RBFOX1: variants seen among roughly 807,000 people sequenced by gnomAD.
The protein encoded by RBFOX1 is RNA binding protein fox-1 homolog 1.
RBFOX1 carries 8 observed loss-of-function variants against 57.7 expected under a neutral mutation model. The ratio of observed to expected loss-of-function variants is 0.14; its 90% CI spans 0.08 to 0.25. The LOEUF (loss-of-function observed/expected upper bound fraction) is 0.25, where lower values mean the gene tolerates loss of function less well. Among genes scored for constraint, RBFOX1 ranks in the 10% least tolerant of loss-of-function variants. The pLI, the probability that RBFOX1 is intolerant of heterozygous loss-of-function variation, is 1.00. For missense variants in RBFOX1, 611 were observed against 548.5 expected (o/e 1.11, Z -1.14); for synonymous variants, 326 against 222.4 (o/e 1.47, Z -4.15).
chr16:5,536,448 C>G (rs2151048128), intron 2 of RBFOX1, among the ~76,000 whole-genome samples: 1 of 152,048 alleles, frequency 6.6e-6, no homozygotes, highest in Non-Finnish European at 1.5e-5. Context: ...ATTGGTCAGC[C>G]TGATCTTGAA....
chr16:5,903,442 G>A (rs1430405579), intron 4 of RBFOX1, among the ~76,000 whole-genome samples: 2 of 152,108 alleles, frequency 1.3e-5, no homozygotes, highest in Non-Finnish European at 2.9e-5. Context: ...GCAAAAGGGG[G>A]CATTTATGGG....
At chr16:6,058,387 C>G (rs911525370) in intron 1 of RBFOX1, among the ~76,000 whole-genome samples, 8 of 151,912 alleles carry the variant, frequency 5.3e-5, no homozygotes, top group African/African-American at 1.9e-4. Context: ...AAGATCCAAC[C>G]TTTGCTAACT....
chr16:6,973,579 G>C (rs1229252494), intron 3 of RBFOX1, among the ~76,000 whole-genome samples: 1 of 152,090 alleles, frequency 6.6e-6, no homozygotes, highest in Admixed American at 6.6e-5. Flanking sequence ...TCTTCCCGAG[G>C]GGATTGTAAA....
In RBFOX1 at chr16:7,687,223, C is replaced by T. The variant is rs192275903; in HGVS notation, c.995+10385C>T. On this transcript the variant is annotated intron_variant, in intron 14 of 15. Coordinates refer to ENST00000550418, the MANE Select transcript of RBFOX1 (RefSeq NM_018723.4). The stretch of plus-strand genomic sequence containing the variant: ...ACTAAACTGAATAAAAGTGACAGGG[C>T]AGGTAAAAAATATGAATCTGAATGG... Among the ~76,000 whole-genome samples, 147 of 151,858 alleles carry T rather than the reference C, an allele frequency of 9.7e-4. 3 individuals are homozygous for T. The East Asian group carries it at 0.024, about 25-fold the overall frequency.
At chr16:6,831,316 C>T (rs977667080) in intron 3 of RBFOX1, among the ~76,000 whole-genome samples, 2 of 152,168 alleles carry the variant, frequency 1.3e-5, no homozygotes, top group African/African-American at 4.8e-5. Flanking sequence ...ACTTCTTGGA[C>T]TCTCCTGTTT....
At chr16:7,017,534 A>G (rs1029962856) in intron 3 of RBFOX1, among the ~76,000 whole-genome samples, 11 of 152,202 alleles carry the variant, frequency 7.2e-5, no homozygotes, top group Admixed American at 2.0e-4. Flanking sequence ...GAAGAAGCCA[A>G]CGGAACAGAG....
intron 3 of RBFOX1, among the ~76,000 whole-genome samples, chr16:6,900,248 C>G (rs964205872): frequency 6.6e-6 from 1 of 152,178 alleles, no homozygotes; most frequent in African/African-American, 2.4e-5. Flanking sequence ...TCAAACATCC[C>G]ATCATAATAT....
intron 4 of RBFOX1, among the ~76,000 whole-genome samples, chr16:7,353,587 A>G (rs2097164813): frequency 6.6e-6 from 1 of 152,234 alleles, no homozygotes; most frequent in African/African-American, 2.4e-5. Flanking sequence ...AAATGGATAA[A>G]CACGAGATGA....
chr16:7,135,104 G>C (rs1178267984), intron 4 of RBFOX1, among the ~76,000 whole-genome samples: 7 of 152,030 alleles, frequency 4.6e-5, no homozygotes, highest in African/African-American at 1.7e-4. Flanking sequence ...TTATCCTGAG[G>C]CTGTTTTTAT....
rs543040675 is a variant in RBFOX1 at position 6,045,416 on chromosome 16, C to A, written c.-127+25424C>A. 2.3e-4 allele frequency among the ~76,000 whole-genome samples: 35 copies of A among 152,292 alleles called. 2 individuals carry two copies. The Middle Eastern group carries it at 0.027, about 118-fold the overall frequency. On this transcript the variant is annotated intron_variant, in intron 1 of 15. Coordinates refer to ENST00000550418, the MANE Select transcript of RBFOX1 (RefSeq NM_018723.4). ...TAGTCTAATTTGGATGATCGAATTA[C>A]AGACTCAGTGGGGTCTTGAGTAGCA...
chr16:6,989,659 C>T (rs1198852571), intron 3 of RBFOX1, among the ~76,000 whole-genome samples: 2 of 152,074 alleles, frequency 1.3e-5, no homozygotes, highest in Non-Finnish European at 2.9e-5. Context: ...AACAAAGGAA[C>T]AGAAGCTACT....
At chr16:7,297,122 G>T (rs1466740795) in intron 4 of RBFOX1, among the ~76,000 whole-genome samples, 1 of 152,174 alleles carries the variant, frequency 6.6e-6, no homozygotes, top group Admixed American at 6.5e-5. Context: ...GACACTGTCT[G>T]TACCTCCTGA....
intron 2 of RBFOX1, among the ~76,000 whole-genome samples, chr16:5,471,197 G>A (rs565824386): frequency 1.3e-5 from 2 of 152,306 alleles, no homozygotes; most frequent in South Asian, 2.1e-4. Context: ...AGCCCCCAGA[G>A]CATCTTTAGA....
At chr16:5,544,027 A>G (rs1302132108) in intron 2 of RBFOX1, among the ~76,000 whole-genome samples, 1 of 152,210 alleles carries the variant, frequency 6.6e-6, no homozygotes, top group East Asian at 1.9e-4. Flanking sequence ...GTAGATAGAA[A>G]GTGTGCAAAT....
chr16:7,640,721 C>T (rs2062637968), intron 11 of RBFOX1, among the ~76,000 whole-genome samples: 1 of 152,142 alleles, frequency 6.6e-6, no homozygotes, highest in African/African-American at 2.4e-5. Context: ...CTCACATTTT[C>T]TTAAGAGGAT....
chr16:7,699,478 C>G (rs992589317), intron 14 of RBFOX1, among the ~76,000 whole-genome samples: 6 of 152,156 alleles, frequency 3.9e-5, no homozygotes, highest in African/African-American at 1.4e-4. Flanking sequence ...AGGCACGGGC[C>G]CACCACACCC....
rs71394324 is a variant in RBFOX1, at chr16:7,589,912, G to GGGGTGTGTGTGTGT, written c.468+2613_468+2614insGGTGTGTGTGTGTG. Among the ~76,000 whole-genome samples the GGGGTGTGTGTGTGT allele has an allele frequency of 1.3e-4, 17 of 135,052 alleles. No individual in the cohort carries two copies. The East Asian group carries it at 2.0e-3, about 16-fold the overall frequency. 88.6% of individuals were successfully genotyped at this position (135,052 alleles called of 152,430 possible). The stretch of plus-strand genomic sequence containing the variant: ...TCAATGCTGAAGGCTGTGTGTGCTG[G>GGGGTGTGTGTGTGT]GTGTGTGTGTGTGTGTGTGTGTGTG... On this transcript the variant is annotated intron_variant, in intron 7 of 15. Coordinates refer to ENST00000550418, the MANE Select transcript of RBFOX1 (RefSeq NM_018723.4).
chr16:5,355,712 G>T (rs550468161), intron 1 of RBFOX1, among the ~76,000 whole-genome samples: 1 of 152,224 alleles, frequency 6.6e-6, no homozygotes, highest in African/African-American at 2.4e-5. Context: ...TTGGAAATAG[G>T]GTCTTTACAG....
At chr16:6,025,925 T>A (rs1276284917) in intron 1 of RBFOX1, among the ~76,000 whole-genome samples, 2 of 152,186 alleles carry the variant, frequency 1.3e-5, no homozygotes, top group Non-Finnish European at 2.9e-5. Flanking sequence ...TAAGTGTACA[T>A]GGATTGAACT....
Sources: allele counts gnomAD v4.1 joint callset (sites outside exome capture counted in the v4.1 genomes callset), GRCh38; gene constraint gnomAD v4.1.1; transcripts MANE v1.5; gene names NCBI Gene and HGNC (gene_info 2026-07-23, HGNC 2026-07-21).